DPEP1: variants seen among roughly 807,000 people sequenced by gnomAD.
DPEP1 encodes dipeptidase 1, also known as beta-lactamase.
DPEP1 carries 50 observed loss-of-function variants against 42.3 expected under a neutral mutation model. The observed-to-expected ratio is 1.18, with a 90% CI of 0.94 to 1.50. The LOEUF is 1.50. DPEP1 is among the 40% of genes most tolerant of loss of function. DPEP1 has a pLI of 0.00. For missense variants in DPEP1, 663 were observed against 553.0 expected (o/e 1.20, Z -1.99); for synonymous variants, 297 against 234.0 (o/e 1.27, Z -2.46).
At chr16:89,617,612 C>T (rs113617686) in intron 1 of DPEP1, among the ~76,000 whole-genome samples, 233 of 101,576 alleles carry the variant, frequency 2.3e-3, no homozygotes, top group African/African-American at 5.4e-3. Flanking sequence ...CTTTGGGAGG[C>T]CGGGCGCGGC....
intron 1 of DPEP1, among the ~76,000 whole-genome samples, chr16:89,614,224 A>G (rs1301230119): frequency 6.6e-6 from 1 of 152,066 alleles, no homozygotes. Context: ...TGGACCCGCC[A>G]GGCCCTCCAG....
chr16:89,613,873 A>G lies in DPEP1; in HGVS notation c.-107+154A>G, dbSNP rs866705080. On this transcript the variant is annotated intron_variant, in intron 1 of 10. Transcript: ENST00000690203. ...GGCTTCCTGGGATTCTAGGAGGCTG[A>G]GGCCAGGTGTGTGCGGCAGGGGACG... is the stretch of plus-strand genomic sequence containing the variant. 1.1e-3 allele frequency among the ~76,000 whole-genome samples: 122 copies of G among 106,794 alleles called. 1 individual carries two copies. The highest frequency in any genetic ancestry group is 4.6e-3 in the East Asian group (7 of 1,534). The allele number at this position is 106,794 out of a possible 152,430, so 70.1% of individuals were successfully genotyped here.
intron 2 of DPEP1, among the ~76,000 whole-genome samples, chr16:89,632,187 T>C (rs1429754350): frequency 1.3e-5 from 2 of 152,102 alleles, no homozygotes; most frequent in Non-Finnish European, 2.9e-5. Context: ...GTAGCTGGGA[T>C]TACAGGCGCC....
chr16:89,639,596 A>G (rs2059729286), downstream of DPEP1, among the ~76,000 whole-genome samples: 1 of 138,094 alleles, frequency 7.2e-6, no homozygotes. Flanking sequence ...GAGCAACCCC[A>G]CCCCTGCACG....
chr16:89,636,305 C>G lies in DPEP1; in HGVS notation c.279C>G (p.Asp93Glu). Residue 93 changes from aspartate (D) to glutamate (E), a missense_variant, in exon 4 of 11, where the codon GAC becomes GAG. Transcript: ENST00000690203. ...CGCCCTGCGACACCCAGAACAAAGA[C>G]GCCGTGCGGAGGACGCTGGAGCAGA... The part of the protein sequence containing the change: ...VYTPCDTQNK[D>E]AVRRTLEQMD... 1 of 1,612,038 alleles carries G rather than the reference C, an allele frequency of 6.2e-7. No homozygotes were observed. Among genetic ancestry groups the G allele is most frequent in the Non-Finnish European group, 8.5e-7 (1 of 1,179,722 alleles).
Position 89,618,039 on chromosome 16 carries a change from AT to A in DPEP1, c.-107+4321del, listed in dbSNP as rs149895297. Reference sequence around the variant, plus strand: ...ACTCAGTCTCAAAAAATATAAAAAAATAAAAATAAAAAATCATCATTCTAAG... The same window carrying A: ...ACTCAGTCTCAAAAAATATAAAAAAAAAAAATAAAAAATCATCATTCTAAG... On this transcript the variant is annotated intron_variant, in intron 1 of 10. Transcript: ENST00000690203. 2.9e-3 allele frequency among the ~76,000 whole-genome samples: 443 copies of A among 152,324 alleles called. 4 individuals carry two copies. Among genetic ancestry groups the A allele is most frequent in the Non-Finnish European group, 4.7e-3 (319 of 68,032 alleles).
Position 89,636,991 on chromosome 16 carries a change from G to C in DPEP1, c.591+56G>C. 2.5e-6 allele frequency: 4 copies of C among 1,601,272 alleles called. No homozygotes were observed. In the South Asian group the frequency reaches 4.4e-5, roughly 18 times the overall value. On this transcript the variant is annotated intron_variant, in intron 6 of 10. Transcript: ENST00000690203. ...CGAGGAGAAGGCAGAGGCCCTGGAG[G>C]GTGACCAGAACAATGCATCTCCTCA...
At position 89,637,299 on chromosome 16, in the gene DPEP1, C is replaced by T. The variant is rs2059694616; in HGVS notation, c.687C>T (p.Ala229=). 2 of 1,612,582 alleles carry T rather than the reference C, an allele frequency of 1.2e-6. No homozygotes were observed. Among genetic ancestry groups the T allele is most frequent in the Non-Finnish European group, 1.7e-6 (2 of 1,179,978 alleles). ...AGGCCACCCTGCAGCTGTCCAGAGC[C>T]CCGGTCATCTTCAGCCACTCCTCGG... ...TMKATLQLSR[A]PVIFSHSSAY... is the part of the protein sequence containing the mutation. Residue 229 remains alanine, a synonymous_variant, in exon 7 of 11, where the codon GCC becomes GCT. Coordinates refer to ENST00000690203, the MANE Select transcript of DPEP1 (RefSeq NM_001389466.1).
intron 1 of DPEP1, among the ~76,000 whole-genome samples, chr16:89,614,073 C>T (rs1366215385): frequency 1.3e-5 from 2 of 150,292 alleles, no homozygotes; most frequent in Non-Finnish European, 3.0e-5. Flanking sequence ...GCGGCTGCTT[C>T]CTGGGATTCT....
chr16:89,617,640 C>G (rs2059392886), intron 1 of DPEP1, among the ~76,000 whole-genome samples: 1 of 151,900 alleles, frequency 6.6e-6, no homozygotes, highest in East Asian at 1.9e-4. Flanking sequence ...ACCTGTAATC[C>G]CAGCACTTTG....
Position 89,636,939 on chromosome 16 carries a change from A to G in DPEP1, c.591+4A>G. 4 of 1,612,136 alleles carry G rather than the reference A, an allele frequency of 2.5e-6. No homozygotes were observed. Among genetic ancestry groups the G allele is most frequent in the South Asian group, 1.1e-5 (1 of 91,054 alleles). ...AGGCTTGTCACCCTTTGGGCAGGTG[A>G]GTGGGGTGGGAGCGGCCAGTCACCC... On this transcript the variant is annotated splice_donor_region_variant and intron_variant, in intron 6 of 10. Coordinates refer to ENST00000690203, the MANE Select transcript of DPEP1 (RefSeq NM_001389466.1).
chr16:89,635,675 C>A (rs1253688871), intron 2 of DPEP1, among the ~76,000 whole-genome samples: 1 of 152,234 alleles, frequency 6.6e-6, no homozygotes, highest in Non-Finnish European at 1.5e-5. Context: ...ACCCAGCTCC[C>A]TGAGCTCCTG....
At chr16:89,637,445 A>C in intron 7 of DPEP1, 23 bp from the exon 8 acceptor site, 2 of 1,612,724 alleles carry the variant, frequency 1.2e-6, no homozygotes. Context: ...TCTCAGCTTC[A>C]CCCTGTCTTC....
chr16:89,641,398 A>G (rs2059741797), downstream of DPEP1, among the ~76,000 whole-genome samples: 1 of 152,204 alleles, frequency 6.6e-6, no homozygotes, highest in Non-Finnish European at 1.5e-5. Context: ...GTCCGGGCGT[A>G]ACGGGGGCTC....
intron 1 of DPEP1, chr16:89,616,792 G>A (rs1433502993): frequency 1.1e-5 from 3 of 275,334 alleles, no homozygotes; most frequent in African/African-American, 2.3e-5. Context: ...GGCAGGAAGT[G>A]GGCAGGAAGC....
chr16:89,626,503 A>G (rs1482003198), intron 1 of DPEP1: 1 of 152,104 alleles, frequency 6.6e-6, no homozygotes, highest in Admixed American at 6.5e-5. Flanking sequence ...GGTATGAGCC[A>G]CCGCGCCTGG....
chr16:89,614,373 G>C (rs915357581), intron 1 of DPEP1, among the ~76,000 whole-genome samples: 1 of 152,174 alleles, frequency 6.6e-6, no homozygotes, highest in African/African-American at 2.4e-5. Flanking sequence ...GAGGAGCGCC[G>C]AGTCCCCGGA....
intron 1 of DPEP1, among the ~76,000 whole-genome samples, chr16:89,627,945 C>T (rs139854318): frequency 4.1e-4 from 62 of 152,076 alleles, no homozygotes; most frequent in African/African-American, 8.9e-4. Flanking sequence ...GTTTTTGAGA[C>T]GGAGTCTCGC....
At chr16:89,618,709 G>A (rs1327442393) in intron 1 of DPEP1, among the ~76,000 whole-genome samples, 2 of 152,044 alleles carry the variant, frequency 1.3e-5, no homozygotes, top group Non-Finnish European at 2.9e-5. Flanking sequence ...TGTTGCCCCG[G>A]CTGGTCTCAG....
Sources: allele counts gnomAD v4.1 joint callset (sites outside exome capture counted in the v4.1 genomes callset), GRCh38; gene constraint gnomAD v4.1.1; transcripts MANE v1.5; gene names NCBI Gene and HGNC (gene_info 2026-07-23, HGNC 2026-07-21).